The following PPM1D variants were observed in gnomAD, a reference collection of about 807,000 sequenced individuals.
The protein encoded by PPM1D is protein phosphatase 1D.
In PPM1D, 52 loss-of-function variants were observed where a neutral mutation model predicts 58.3. The observed-to-expected ratio is 0.89, with a 90% CI of 0.71 to 1.12. The LOEUF (loss-of-function observed/expected upper bound fraction) is 1.12, where lower values mean the gene tolerates loss of function less well. PPM1D is among the 50% of genes most tolerant of loss of function. The pLI is 0.00. For synonymous variants in PPM1D, 278 were observed against 285.1 expected, an observed-to-expected ratio of 0.98 and a Z score of 0.25; for missense variants, 564 against 777.2, an observed-to-expected ratio of 0.73 and a Z score of 3.26.
At chr17:60,601,011 T>A in intron 1 of PPM1D, 125 bp downstream of exon 1, 2 of 1,370,792 alleles carry the variant, frequency 1.5e-6, no homozygotes, top group Non-Finnish European at 2.0e-6. Context: ...TGGAAGTGAC[T>A]AAAAGCTGTA....
At chr17:60,647,859 A>G (rs1433837851) in intron 3 of PPM1D, 33 bp from the exon 4 acceptor site, 2 of 1,555,164 alleles carry the variant, frequency 1.3e-6, no homozygotes, top group Non-Finnish European at 1.8e-6. Flanking sequence ...CTTCCAACTA[A>G]TACTTCTTGC....
At chr17:60,640,934 T>C (rs1013183708) in intron 3 of PPM1D, among the ~76,000 whole-genome samples, 3 of 143,548 alleles carry the variant, frequency 2.1e-5, no homozygotes, top group Non-Finnish European at 3.0e-5. Flanking sequence ...CATAATTTCA[T>C]TTTTTTTTTT....
intron 1 of PPM1D, among the ~76,000 whole-genome samples, chr17:60,604,369 T>C (rs1329172766): frequency 1.3e-5 from 2 of 152,212 alleles, no homozygotes; most frequent in Non-Finnish European, 2.9e-5. Flanking sequence ...TTTGTTCATG[T>C]TGAAGATGTA....
chr17:60,643,062 A>G (rs2031168509), intron 3 of PPM1D, among the ~76,000 whole-genome samples: 1 of 151,448 alleles, frequency 6.6e-6, no homozygotes, highest in African/African-American at 2.4e-5. Flanking sequence ...AAAGAAAAAA[A>G]AAAAAAAAAA....
At chr17:60,638,596 T>TG (rs1244906285) in intron 3 of PPM1D, among the ~76,000 whole-genome samples, 1 of 152,156 alleles carries the variant, frequency 6.6e-6, no homozygotes, top group Non-Finnish European at 1.5e-5. Flanking sequence ...CTCGAACTCC[T>TG]GACCTCAGTT....
chr17:60,650,674 A>G lies in PPM1D; in HGVS notation c.1017+2592A>G, dbSNP rs79303386. On this transcript the variant is annotated intron_variant, in intron 4 of 5. Transcript: ENST00000305921. ...AAATTTCTAACTCTGGTGACTAGTA[A>G]GCTGTTATAAAGAAGAGACATTATT... Among the ~76,000 whole-genome samples the G allele has an allele frequency of 3.5e-3, 528 of 152,342 alleles. 3 individuals carry two copies. Among genetic ancestry groups the G allele is most frequent in the Middle Eastern group, 0.034 (10 of 294 alleles).
chr17:60,647,807 G>C, intron 3 of PPM1D, 85 bp from the exon 4 acceptor site: 1 of 1,312,576 alleles, frequency 7.6e-7, no homozygotes, highest in Non-Finnish European at 1.1e-6. Flanking sequence ...GAGATGAACT[G>C]TGTAGATTTT....
At chr17:60,609,661 T>C (rs1426956433) in intron 1 of PPM1D, among the ~76,000 whole-genome samples, 1 of 152,188 alleles carries the variant, frequency 6.6e-6, no homozygotes, top group African/African-American at 2.4e-5. Context: ...ACCTACCTGT[T>C]AGTCACTTAG....
At chr17:60,606,673 CTT>C (rs764968282) in intron 1 of PPM1D, among the ~76,000 whole-genome samples, 1 of 152,166 alleles carries the variant, frequency 6.6e-6, no homozygotes, top group Non-Finnish European at 1.5e-5. Context: ...CTTGACCTCT[CTT>C]GTCTTTCTAA....
At chr17:60,655,463 C>T (rs943368201) in intron 4 of PPM1D, among the ~76,000 whole-genome samples, 1 of 152,168 alleles carries the variant, frequency 6.6e-6, no homozygotes, top group African/African-American at 2.4e-5. Flanking sequence ...ATTCTCCTGT[C>T]TCAGCCTCCC....
At chr17:60,642,253 A>G (rs2031148297) in intron 3 of PPM1D, among the ~76,000 whole-genome samples, 1 of 152,178 alleles carries the variant, frequency 6.6e-6, no homozygotes. Context: ...CAACTTGAGC[A>G]TCAAAACAAA....
At chr17:60,657,556 T>C (rs1055889610) in intron 5 of PPM1D, among the ~76,000 whole-genome samples, 2 of 152,314 alleles carry the variant, frequency 1.3e-5, no homozygotes, top group South Asian at 4.1e-4. Context: ...ATGGGAAATG[T>C]AGGGAAATCT....
intron 3 of PPM1D, among the ~76,000 whole-genome samples, chr17:60,643,814 C>G (rs554061873): frequency 6.6e-6 from 1 of 150,650 alleles, no homozygotes; most frequent in Non-Finnish European, 1.5e-5. Context: ...CTGTAGAGCA[C>G]GAGAACAAGA....
At chr17:60,622,451 A>T (rs563618071) in intron 1 of PPM1D, among the ~76,000 whole-genome samples, 2 of 152,178 alleles carry the variant, frequency 1.3e-5, no homozygotes, top group East Asian at 3.9e-4. Flanking sequence ...TTTTGCCATC[A>T]TGAACTATAA....
At chr17:60,600,980 C>A in intron 1 of PPM1D, 94 bp downstream of exon 1, 1 of 1,552,316 alleles carries the variant, frequency 6.4e-7, no homozygotes, top group Admixed American at 1.8e-5. Flanking sequence ...GCACCCAGAG[C>A]GCAACCAAAG....
intron 2 of PPM1D, among the ~76,000 whole-genome samples, chr17:60,633,429 C>T (rs1168139541): frequency 1.3e-5 from 2 of 151,850 alleles, no homozygotes; most frequent in South Asian, 2.1e-4. Context: ...TTTATTGAGA[C>T]AAGAGTCTCG....
Position 60,600,247 on chromosome 17 carries a change from T to C in PPM1D, c.-168T>C, listed in dbSNP as rs902591920. ...TCGCTCCGGCGCTCCGGCCCAGCTCTCGCGGACAAGTCCAGACATCGCGCG... is the reference window on the plus strand; with the variant it reads ...TCGCTCCGGCGCTCCGGCCCAGCTCCCGCGGACAAGTCCAGACATCGCGCG... On this transcript the variant is annotated 5_prime_UTR_variant, in exon 1 of 6. Coordinates refer to ENST00000305921, the MANE Select transcript of PPM1D (RefSeq NM_003620.4). 1.5e-6 allele frequency: 2 copies of C among 1,338,388 alleles called. No homozygotes were observed. The highest frequency in any genetic ancestry group is 3.0e-5 in the South Asian group (2 of 65,636). The allele number at this position is 1,338,388 out of a possible 1,614,324, so 82.9% of individuals were successfully genotyped here. A position where few individuals can be genotyped will look rare whatever the true frequency, so the allele number is the denominator to read the frequency against.
chr17:60,630,107 A>G (rs1042469453), intron 2 of PPM1D, among the ~76,000 whole-genome samples: 10 of 152,102 alleles, frequency 6.6e-5, no homozygotes, highest in African/African-American at 2.4e-4. Context: ...GGAGGCCAAG[A>G]TGGGAGGATC....
intron 1 of PPM1D, among the ~76,000 whole-genome samples, chr17:60,615,509 T>C (rs2030564436): frequency 6.6e-6 from 1 of 151,770 alleles, no homozygotes; most frequent in African/African-American, 2.4e-5. Flanking sequence ...AATTAAAATA[T>C]AAAGTAGGAA....
Sources: allele counts gnomAD v4.1 joint callset (sites outside exome capture counted in the v4.1 genomes callset), GRCh38; gene constraint gnomAD v4.1.1; transcripts MANE v1.5; gene names NCBI Gene and HGNC (gene_info 2026-07-23, HGNC 2026-07-21).